Variants in TMEM201 observed in about 807,000 individuals in gnomAD.
TMEM201 encodes the protein transmembrane protein 201.
In TMEM201, 26 loss-of-function variants were observed where a neutral mutation model predicts 63.4. The ratio of observed to expected loss-of-function variants is 0.41; its 90% CI spans 0.30 to 0.57. TMEM201 has a LOEUF of 0.57. Among genes scored for constraint, TMEM201 ranks in the 20% least tolerant of loss-of-function variants. The probability of loss-of-function intolerance (pLI) is 0.29; values close to 1 mark genes in which losing one functional copy is unlikely to be tolerated. For missense variants in TMEM201, 794 were observed against 917.7 expected, an observed-to-expected ratio of 0.87 and a Z score of 1.74; for synonymous variants, 417 against 421.6, an observed-to-expected ratio of 0.99 and a Z score of 0.14.
intron 1 of TMEM201, among the ~76,000 whole-genome samples, chr1:9,592,735 G>A (rs1280819948): frequency 8.3e-6 from 1 of 120,290 alleles, no homozygotes; most frequent in African/African-American, 2.7e-5. Context: ...GACGGGGCAG[G>A]TACAGAGCAT....
rs1300656749 is a variant in TMEM201 at position 9,604,882 on chromosome 1, G to A, written c.1160+2610G>A. ...TGACCCTCTCATCACTGTAACCATC[G>A]CGCCTGGCCTAGATGTCGTGTTTTG... On this transcript the variant is annotated intron_variant, in intron 6 of 10. Transcript: ENST00000340381. The surrounding 1 kb of genome is among the most constrained non-coding windows in gnomAD (Gnocchi z 4.1). 18 of 985,806 alleles carry A rather than the reference G, an allele frequency of 1.8e-5. No individual in the cohort carries two copies. The highest frequency in any genetic ancestry group is 3.5e-5 in the African/African-American group (2 of 57,230). 61.1% of individuals were successfully genotyped at this position (985,806 alleles called of 1,614,324 possible).
rs191852505 is a variant in TMEM201, at chr1:9,601,150, C to G, written c.652C>G (p.Arg218Gly). ...VKSPVQVILLRALAFLACAFL... is the reference protein window; with the variant it reads ...VKSPVQVILLGALAFLACAFL... ...GTCCCCGGTCCAGGTCATCCTGCTC[C>G]GTGCCCTCGCCTTCCTGGCCTGCGC... The change falls in exon 5 of 11, where the codon CGT (arginine) becomes GGT (glycine). Residue 218 changes from arginine (R) to glycine (G), a missense_variant. Transcript: ENST00000340381. 5 of 1,607,260 alleles carry G rather than the reference C, an allele frequency of 3.1e-6. No individual in the cohort carries two copies. The highest frequency in any genetic ancestry group is 3.4e-6 in the Non-Finnish European group (4 of 1,174,760).
intron 7 of TMEM201, 46 bp from the exon 8 acceptor site, chr1:9,609,794 C>T (rs1365160930): frequency 5.2e-6 from 8 of 1,533,532 alleles, no homozygotes; most frequent in African/African-American, 2.8e-5. Flanking sequence ...GGCCTCTGCA[C>T]GTCATCCACA....
At chr1:9,611,083 G>T in intron 9 of TMEM201, 1 of 1,498,888 alleles carries the variant, frequency 6.7e-7, no homozygotes, top group South Asian at 1.2e-5. Context: ...GGTGCGTGTG[G>T]CCACAGATAG....
At chr1:9,595,739 T>TC in intron 1 of TMEM201, 151 bp from the exon 2 acceptor site, 1 of 1,141,280 alleles carries the variant, frequency 8.8e-7, no homozygotes, top group Non-Finnish European at 1.2e-6. Flanking sequence ...CTCCTGCTGT[T>TC]CTGGGGCCAG....
intron 7 of TMEM201, among the ~76,000 whole-genome samples, chr1:9,609,566 G>A (rs1569959996): frequency 1.3e-5 from 2 of 152,072 alleles, no homozygotes; most frequent in Admixed American, 1.3e-4. Context: ...TCCTGACCTC[G>A]TGATCTGATC....
intron 2 of TMEM201, 26 bp from the exon 3 acceptor site, chr1:9,596,833 C>G (rs777014005): frequency 2.6e-6 from 4 of 1,559,708 alleles, no homozygotes; most frequent in Non-Finnish European, 2.6e-6. Context: ...GGCCTGCCTG[C>G]CTCGAGTCCC....
chr1:9,607,545 G>A lies in TMEM201; in HGVS notation c.1161-12G>A, dbSNP rs760643221. ...ACCCTCTTCTTGTCCCGTGCCTGAC[G>A]GGCCCTTGCAGGTTCTTCCCAGGAG... On this transcript the variant is annotated splice_polypyrimidine_tract_variant and intron_variant, in intron 6 of 10. Transcript: ENST00000340381. The surrounding 1 kb of genome is among the most constrained non-coding windows in gnomAD (Gnocchi z 5.4). The A allele has an allele frequency of 3.2e-6, 5 of 1,540,548 alleles. No homozygotes were observed. Among genetic ancestry groups the A allele is most frequent in the East Asian group, 2.5e-5 (1 of 40,812 alleles).
At chr1:9,602,620 A>C (rs1569941391) in intron 6 of TMEM201, 2 of 1,196,268 alleles carry the variant, frequency 1.7e-6, no homozygotes, top group South Asian at 2.1e-5. Flanking sequence ...AGCTCCAGGC[A>C]CCCCCCTCTC....
In TMEM201 at chr1:9,608,961, TC is replaced by T. The variant is rs1445733146; in HGVS notation, c.1394-877del. Among the ~76,000 whole-genome samples, 3 of 152,208 alleles carry T rather than the reference TC, an allele frequency of 2.0e-5. No homozygotes were observed. The highest frequency in any genetic ancestry group is 7.2e-5 in the African/African-American group (3 of 41,534). On this transcript the variant is annotated intron_variant, in intron 7 of 10. Coordinates refer to ENST00000340381, the MANE Select transcript of TMEM201 (RefSeq NM_001130924.3). The surrounding 1 kb of genome is among the most constrained non-coding windows in gnomAD (Gnocchi z 4.3). ...CAGAGGGTGGGTCGGGGGCAGGAGT[TC>T]CTGCAGGGCTTTGGCTCATGTATTC...
intron 4 of TMEM201, among the ~76,000 whole-genome samples, chr1:9,600,755 C>CA (rs1056612318): frequency 4.6e-5 from 7 of 151,724 alleles, no homozygotes; most frequent in South Asian, 2.1e-4. Context: ...CCCATCTCTA[C>CA]AAAAAAAATA....
At position 9,594,610 on chromosome 1, in the gene TMEM201, G is replaced by T. The variant is rs534889818; in HGVS notation, c.114-1280G>T. On this transcript the variant is annotated intron_variant, in intron 1 of 10. Coordinates refer to ENST00000340381, the MANE Select transcript of TMEM201 (RefSeq NM_001130924.3). ...TTCATATGCCCCTGGTCAGGAGAAG[G>T]GGGTGGAGGGGAGGGCCGGGCAGCA... Among the ~76,000 whole-genome samples, 29 of 152,360 alleles carry T rather than the reference G, an allele frequency of 1.9e-4. 1 individual carries two copies. Among genetic ancestry groups the T allele is most frequent in the Admixed American group, 6.5e-5 (1 of 15,312 alleles).
intron 1 of TMEM201, among the ~76,000 whole-genome samples, chr1:9,591,822 G>A (rs781331779): frequency 2.2e-4 from 33 of 152,136 alleles, no homozygotes; most frequent in African/African-American, 6.8e-4. Flanking sequence ...AGCAACCGCC[G>A]CACCCCGGGC....
chr1:9,596,645 G>T (rs1363428712), intron 2 of TMEM201, among the ~76,000 whole-genome samples: 2 of 152,224 alleles, frequency 1.3e-5, no homozygotes. Flanking sequence ...CTGTGCTCAG[G>T]CTAGGTGGCT....
In TMEM201 at chr1:9,604,317, C is replaced by T; in HGVS notation, c.1160+2045C>T. On this transcript the variant is annotated intron_variant, in intron 6 of 10. Coordinates refer to ENST00000340381, the MANE Select transcript of TMEM201 (RefSeq NM_001130924.3). This position sits in a 1 kb window ranked among gnomAD's most constrained non-coding sequence, Gnocchi z 4.1. ...CCTGCCGAGCTGATGTCGCTCCTGCCCTCTGCCGGGGTCCGGAAGCGACAT... is the reference window on the plus strand; with the variant it reads ...CCTGCCGAGCTGATGTCGCTCCTGCTCTCTGCCGGGGTCCGGAAGCGACAT... 3.0e-6 allele frequency: 3 copies of T among 985,424 alleles called. No individual in the cohort carries two copies. The highest frequency in any genetic ancestry group is 4.7e-5 in the South Asian group (1 of 21,292). The allele number at this position is 985,424 out of a possible 1,614,324, so 61.0% of individuals were successfully genotyped here.
At position 9,603,364 on chromosome 1, in the gene TMEM201, T is replaced by C; in HGVS notation, c.1160+1092T>C. 1 of 985,440 alleles carries C rather than the reference T, an allele frequency of 1.0e-6. No homozygotes were observed. The highest frequency in any genetic ancestry group is 1.2e-6 in the Non-Finnish European group (1 of 829,958). 61.0% of individuals were successfully genotyped at this position (985,440 alleles called of 1,614,324 possible). ...CATGAGGTGGCTCATGAGGACACACTCTGGAAGTCGAGGGGCTGCCACGTG... is the reference window on the plus strand; with the variant it reads ...CATGAGGTGGCTCATGAGGACACACCCTGGAAGTCGAGGGGCTGCCACGTG... On this transcript the variant is annotated intron_variant, in intron 6 of 10. Transcript: ENST00000340381. The surrounding 1 kb of genome is among the most constrained non-coding windows in gnomAD (Gnocchi z 4.5).
chr1:9,611,051 G>A (rs924230205), intron 9 of TMEM201: 59 of 1,523,140 alleles, frequency 3.9e-5, no homozygotes, highest in Middle Eastern at 1.7e-4. Flanking sequence ...GGAACTGATC[G>A]AAAACACATC....
chr1:9,596,630 C>G (rs1338227056), intron 2 of TMEM201, among the ~76,000 whole-genome samples: 3 of 152,210 alleles, frequency 2.0e-5, no homozygotes, highest in African/African-American at 7.2e-5. Flanking sequence ...GCTGCAGGCC[C>G]TGCTCTGTGC....
rs1192511858 is a variant in TMEM201 at position 9,610,146 on chromosome 1, C to T, written c.1465+235C>T. 1.3e-5 allele frequency among the ~76,000 whole-genome samples: 2 copies of T among 152,190 alleles called. No homozygotes were observed. Among genetic ancestry groups the T allele is most frequent in the Admixed American group, 1.3e-4 (2 of 15,278 alleles). ...GCTCTGCCGTCCTCAGTGGCAGTCA[C>T]GGCTGGAACTGGTGCACCAGGTGCC... On this transcript the variant is annotated intron_variant, in intron 8 of 10. Transcript: ENST00000340381. This position sits in a 1 kb window ranked among gnomAD's most constrained non-coding sequence, Gnocchi z 4.9.
Sources: allele counts gnomAD v4.1 joint callset (sites outside exome capture counted in the v4.1 genomes callset), GRCh38; gene constraint gnomAD v4.1.1; non-coding constraint Gnocchi (gnomAD v3.1); transcripts MANE v1.5; gene names NCBI Gene and HGNC (gene_info 2026-07-23, HGNC 2026-07-21).